EFHC2: variants seen among roughly 807,000 people sequenced by gnomAD.
The protein encoded by EFHC2 is EF-hand domain-containing family member C2.
A neutral mutation model predicts 52.7 loss-of-function variants in EFHC2; 18 were observed. The observed-to-expected ratio is 0.34, with a 90% CI of 0.24 to 0.51. The LOEUF is 0.51. EFHC2 is among the 20% of genes least tolerant of loss of function. The probability of loss-of-function intolerance (pLI) is 0.97; values close to 1 mark genes in which losing one functional copy is unlikely to be tolerated. For missense variants in EFHC2, 513 were observed against 562.5 expected (o/e 0.91, Z 0.89); for synonymous variants, 203 against 204.1 (o/e 0.99, Z 0.04).
chrX:44,184,387 G>A (rs1246143494), intron 11 of EFHC2, among the ~76,000 whole-genome samples: 1 of 111,532 alleles, frequency 9.0e-6, no homozygotes, highest in African/African-American at 3.3e-5. Context: ...CTTGTTAGAT[G>A]TCAGCTTCTC....
At chrX:44,263,675 T>C (rs1468573241) in intron 3 of EFHC2, among the ~76,000 whole-genome samples, 4 of 112,105 alleles carry the variant, frequency 3.6e-5, no homozygotes, top group Non-Finnish European at 7.5e-5. Context: ...TTAGAACAAA[T>C]TGCATACTTA....
rs10669527 is a variant in EFHC2, at chrX:44,219,145, T to TA, written c.1751+10503dup. ...AGAACAGAGAAAAACCACCTATAGT[T>TA]AAAAAAAAAAAAAAAGCACCTAAAG... On this transcript the variant is annotated intron_variant, in intron 11 of 14. Transcript: ENST00000420999. 1.8e-3 allele frequency among the ~76,000 whole-genome samples: 144 copies of TA among 79,357 alleles called. 3 individuals carry two copies. Among genetic ancestry groups the TA allele is most frequent in the African/African-American group, 4.2e-3 (86 of 20,321 alleles). The allele number at this position is 79,357 out of a possible 115,157, so 68.9% of individuals were successfully genotyped here. A position where few individuals can be genotyped will look rare whatever the true frequency, so the allele number is the denominator to read the frequency against.
chrX:44,232,815 C>T, intron 9 of EFHC2, 138 bp from the exon 10 acceptor site: 1 of 516,880 alleles, frequency 1.9e-6, no homozygotes, highest in South Asian at 5.0e-5. Context: ...TATTTTTGGA[C>T]TTAAGGGAAG....
chrX:44,248,110 T>C (rs1007681776), intron 7 of EFHC2, among the ~76,000 whole-genome samples, 162 bp downstream of exon 7: 6 of 111,151 alleles, frequency 5.4e-5, no homozygotes, highest in African/African-American at 2.0e-4. Context: ...CCATAGAGAA[T>C]TGTTAGGAAT....
chrX:44,168,021 T>C (rs2147272289), intron 13 of EFHC2, among the ~76,000 whole-genome samples: 1 of 111,741 alleles, frequency 8.9e-6, no homozygotes, highest in East Asian at 2.8e-4. Context: ...GTCAAACTCT[T>C]TTCAAGATGA....
chrX:44,158,772 A>G (rs1346368259), intron 14 of EFHC2, among the ~76,000 whole-genome samples: 1 of 111,581 alleles, frequency 9.0e-6, no homozygotes, highest in Non-Finnish European at 1.9e-5. Context: ...ATAGAAGATC[A>G]GGAAATAACC....
intron 14 of EFHC2, among the ~76,000 whole-genome samples, chrX:44,161,762 C>A (rs2036657072): frequency 1.8e-5 from 2 of 112,096 alleles, no homozygotes; most frequent in South Asian, 7.5e-4. Flanking sequence ...TACCATGTTT[C>A]TATTTGTATG....
chrX:44,333,261 A>G lies in EFHC2; in HGVS notation c.42+10286T>C, dbSNP rs1273179590. On this transcript the variant is annotated intron_variant, in intron 1 of 14. Coordinates refer to ENST00000420999, the MANE Select transcript of EFHC2 (RefSeq NM_025184.4). ...TGAGCATGCAAGCTTATGTAGACAG[A>G]TGGTTCTTGCTGAGATGATCGGGGA... Among the ~76,000 whole-genome samples the G allele has an allele frequency of 2.7e-5, 3 of 111,515 alleles. No individual in the cohort carries two copies. In the East Asian group the frequency reaches 8.5e-4, roughly 32 times the overall value.
Position 44,235,338 on chromosome X carries a change from T to C in EFHC2, c.1390A>G (p.Ile464Val). The C allele has an allele frequency of 1.7e-6, 2 of 1,188,932 alleles. No homozygotes were observed. The highest frequency in any genetic ancestry group is 2.3e-6 in the Non-Finnish European group (2 of 883,160). The change falls in exon 9 of 15, where the codon ATT becomes GTT. Residue 464 changes from isoleucine (I) to valine (V), a missense_variant. Transcript: ENST00000420999. Reference protein sequence around the residue: ...VISYYLGDDTISVFEPIERNS... With the variant: ...VISYYLGDDTVSVFEPIERNS... ...CTCTCTATAGGTTCAAACACTGAAATGGTGTCATCACCGAGATAATATGAA... is the reference window on the plus strand; with the variant it reads ...CTCTCTATAGGTTCAAACACTGAAACGGTGTCATCACCGAGATAATATGAA...
intron 14 of EFHC2, among the ~76,000 whole-genome samples, chrX:44,157,872 C>T (rs1023327409): frequency 9.0e-6 from 1 of 111,251 alleles, no homozygotes; most frequent in African/African-American, 3.3e-5. Flanking sequence ...GGGGCTTAGC[C>T]AGCTCTGTCC....
intron 11 of EFHC2, among the ~76,000 whole-genome samples, chrX:44,215,090 C>T (rs867216950): frequency 9.0e-6 from 1 of 111,335 alleles, no homozygotes; most frequent in Non-Finnish European, 1.9e-5. Context: ...GGCACTTCCC[C>T]GCTTGCTCTC....
chrX:44,181,462 A>C (rs2036835140), intron 11 of EFHC2, among the ~76,000 whole-genome samples: 1 of 111,783 alleles, frequency 8.9e-6, no homozygotes, highest in Non-Finnish European at 1.9e-5. Flanking sequence ...CAATAACTAG[A>C]AACTTTCCAT....
intron 7 of EFHC2, among the ~76,000 whole-genome samples, chrX:44,247,278 A>G (rs1401587652): frequency 8.9e-6 from 1 of 112,123 alleles, no homozygotes; most frequent in African/African-American, 3.2e-5. Flanking sequence ...TTCTCTCACA[A>G]TATAAAGATT....
At chrX:44,328,759 A>G (rs1318635141) in intron 1 of EFHC2, among the ~76,000 whole-genome samples, 1 of 111,158 alleles carries the variant, frequency 9.0e-6, no homozygotes, top group Non-Finnish European at 1.9e-5. Context: ...ATAGGGTGTA[A>G]CCTTTGTAAC....
Position 44,209,801 on chromosome X carries a change from C to A in EFHC2, c.1751+19848G>T, listed in dbSNP as rs1437881602. Among the ~76,000 whole-genome samples the A allele has an allele frequency of 2.8e-5, 3 of 108,823 alleles. No homozygotes were observed. The East Asian group carries it at 8.7e-4, about 32-fold the overall frequency. 94.5% of individuals were successfully genotyped at this position (108,823 alleles called of 115,157 possible). A position where few individuals can be genotyped will look rare whatever the true frequency, so the allele number is the denominator to read the frequency against. ...CACTCCCCATTGCTCGCATTACTGC[C>A]GGAGCTCTGCCTCCTATCAGATGAG... On this transcript the variant is annotated intron_variant, in intron 11 of 14. Transcript: ENST00000420999.
intron 12 of EFHC2, among the ~76,000 whole-genome samples, chrX:44,176,983 A>T (rs1329532908): frequency 1.8e-5 from 2 of 112,596 alleles, no homozygotes; most frequent in Non-Finnish European, 3.7e-5. Flanking sequence ...TTTTCCAGGC[A>T]TCGGGCAAAA....
chrX:44,212,369 T>A (rs774667387), intron 11 of EFHC2, among the ~76,000 whole-genome samples: 5 of 111,794 alleles, frequency 4.5e-5, no homozygotes, highest in Non-Finnish European at 7.5e-5. Flanking sequence ...AAAAAATATG[T>A]CCTCAGACTT....
intron 11 of EFHC2, among the ~76,000 whole-genome samples, chrX:44,212,543 T>A (rs1221865643): frequency 9.1e-6 from 1 of 109,333 alleles, no homozygotes; most frequent in Non-Finnish European, 1.9e-5. Flanking sequence ...TCCGGTCCCA[T>A]CTAGAGTAGG....
chrX:44,332,659 A>T (rs2038094378), intron 1 of EFHC2, among the ~76,000 whole-genome samples: 1 of 111,294 alleles, frequency 9.0e-6, no homozygotes, highest in South Asian at 3.8e-4. Context: ...AATCCTACTG[A>T]GGGGAGAATG....
Sources: gnomAD v4.1 joint callset for allele counts (sites outside exome capture counted in the v4.1 genomes callset) on GRCh38, gnomAD v4.1.1 for gene constraint, MANE v1.5 for transcripts, NCBI Gene and HGNC (gene_info 2026-07-23, HGNC 2026-07-21) for gene names.